MOB3B: variants seen among roughly 807,000 people sequenced by gnomAD.
MOB3B encodes the protein MOB kinase activator 3B.
A neutral mutation model predicts 18.7 loss-of-function variants in MOB3B; 7 were observed. The observed-to-expected ratio is 0.37, with a 90% CI of 0.21 to 0.70. The LOEUF is 0.70. Ranked by LOEUF, MOB3B falls within the 30% of genes least tolerant of loss-of-function variation. The pLI is 0.52. For missense variants in MOB3B, 253 were observed against 281.3 expected (o/e 0.90, Z 0.72); for synonymous variants, 111 against 99.9 (o/e 1.11, Z -0.66).
At chr9:27,491,056 A>G (rs1037228974) in intron 1 of MOB3B, among the ~76,000 whole-genome samples, 2 of 152,186 alleles carry the variant, frequency 1.3e-5, no homozygotes, top group African/African-American at 4.8e-5. Flanking sequence ...TAATTGCAAC[A>G]AACGGTCCTA....
At chr9:27,403,362 G>A (rs1821913696) in intron 2 of MOB3B, among the ~76,000 whole-genome samples, 1 of 152,078 alleles carries the variant, frequency 6.6e-6, no homozygotes, top group Non-Finnish European at 1.5e-5. Context: ...TTAGGAGAAA[G>A]TCAGTTACTT....
At chr9:27,497,158 C>G (rs560108775) in intron 1 of MOB3B, among the ~76,000 whole-genome samples, 1 of 152,184 alleles carries the variant, frequency 6.6e-6, no homozygotes, top group Non-Finnish European at 1.5e-5. Flanking sequence ...GGCTCTTATA[C>G]ATCAGAGAGC....
At chr9:27,411,142 G>T (rs1822059442) in intron 2 of MOB3B, among the ~76,000 whole-genome samples, 1 of 152,176 alleles carries the variant, frequency 6.6e-6, no homozygotes, top group African/African-American at 2.4e-5. Context: ...TGTATCCCTA[G>T]ATATGGCAGA....
intron 1 of MOB3B, among the ~76,000 whole-genome samples, chr9:27,481,791 C>T (rs181238882): frequency 1.3e-5 from 2 of 152,038 alleles, no homozygotes; most frequent in African/African-American, 2.4e-5. Flanking sequence ...TCCCAAAGTG[C>T]AAGGATTACA....
intron 2 of MOB3B, among the ~76,000 whole-genome samples, chr9:27,404,397 C>T (rs150574257): frequency 8.0e-6 from 1 of 125,486 alleles, no homozygotes; most frequent in Non-Finnish European, 1.6e-5. Context: ...CGTTCTGTCA[C>T]CAGGCTGGAG....
intron 3 of MOB3B, among the ~76,000 whole-genome samples, chr9:27,346,620 G>A (rs986863466): frequency 2.6e-5 from 4 of 152,100 alleles, no homozygotes. Context: ...AGTTATTACA[G>A]GCCATTTAAA....
chr9:27,369,840 G>A (rs769053501), intron 2 of MOB3B, among the ~76,000 whole-genome samples: 9 of 151,790 alleles, frequency 5.9e-5, no homozygotes, highest in Admixed American at 1.3e-4. Context: ...CCTCTAGAAC[G>A]TCCTCCCTGG....
Position 27,455,345 on chromosome 9 carries a change from T to C in MOB3B, c.206A>G (p.Asn69Ser), listed in dbSNP as rs376544672. 68 of 1,614,010 alleles carry C rather than the reference T, an allele frequency of 4.2e-5. No homozygotes were observed. Among genetic ancestry groups the C allele is most frequent in the Non-Finnish European group, 5.4e-5 (64 of 1,180,002 alleles). ...GGTGCCATAGATGAGGTTGATCCGA[T>C]TGAAGAAGTCCACCACATGTACTGC... ...WVAVHVVDFF[N>S]RINLIYGTIC... The change falls in exon 2 of 4, where the codon AAT becomes AGT. Residue 69 changes from asparagine (N) to serine (S), a missense_variant. Coordinates refer to ENST00000262244, the MANE Select transcript of MOB3B (RefSeq NM_024761.5).
At chr9:27,448,577 T>C (rs1822732560) in intron 2 of MOB3B, among the ~76,000 whole-genome samples, 1 of 152,180 alleles carries the variant, frequency 6.6e-6, no homozygotes. Flanking sequence ...AGTGGCCCCA[T>C]GATTCAATTA....
chr9:27,418,850 G>A (rs1391622815), intron 2 of MOB3B, among the ~76,000 whole-genome samples: 2 of 152,132 alleles, frequency 1.3e-5, no homozygotes, highest in East Asian at 3.8e-4. Flanking sequence ...CGGTAAAGAA[G>A]AAGTCAAACT....
At chr9:27,426,983 G>A (rs1463675416) in intron 2 of MOB3B, among the ~76,000 whole-genome samples, 1 of 152,168 alleles carries the variant, frequency 6.6e-6, no homozygotes, top group East Asian at 1.9e-4. Flanking sequence ...AGCACACACT[G>A]GATTATTCTA....
At chr9:27,477,747 G>A (rs965941396) in intron 1 of MOB3B, among the ~76,000 whole-genome samples, 1 of 152,210 alleles carries the variant, frequency 6.6e-6, no homozygotes, top group African/African-American at 2.4e-5. Flanking sequence ...CAGAAATGAA[G>A]CCAGAATCCA....
At chr9:27,350,235 CA>C (rs34779449) in intron 3 of MOB3B, among the ~76,000 whole-genome samples, 2,240 of 66,830 alleles carry the variant, frequency 0.034, 39 homozygotes, top group African/African-American at 0.078. Context: ...AAGTATATAC[CA>C]AAAAAAAAAA....
chr9:27,401,480 G>A (rs1414287554), intron 2 of MOB3B, among the ~76,000 whole-genome samples: 5 of 152,144 alleles, frequency 3.3e-5, no homozygotes, highest in Non-Finnish European at 4.4e-5. Context: ...GGATCACACA[G>A]ACAAAGGCAC....
chr9:27,330,751 C>T (rs1290950313), intron 3 of MOB3B, 135 bp from the exon 4 acceptor site: 4 of 1,304,346 alleles, frequency 3.1e-6, no homozygotes, highest in African/African-American at 1.5e-5. Flanking sequence ...ATGAATAAGG[C>T]TTAGCATGAG....
At chr9:27,518,736 A>G (rs1438113929) in intron 1 of MOB3B, among the ~76,000 whole-genome samples, 1 of 152,326 alleles carries the variant, frequency 6.6e-6, no homozygotes, top group South Asian at 2.1e-4. Context: ...TACAGGGAGC[A>G]TCATGTACAA....
rs570047984 is a variant in MOB3B, at chr9:27,384,817, G to A, written c.419-25581C>T. On this transcript the variant is annotated intron_variant, in intron 2 of 3. Coordinates refer to ENST00000262244, the MANE Select transcript of MOB3B (RefSeq NM_024761.5). Reference sequence around the variant, plus strand: ...AGTGAGTAGCATCAGGAACTGAGACGGGTCCTTCTGGCCCATGGCACCACC... The same window carrying A: ...AGTGAGTAGCATCAGGAACTGAGACAGGTCCTTCTGGCCCATGGCACCACC... Among the ~76,000 whole-genome samples the A allele has an allele frequency of 1.1e-4, 16 of 152,288 alleles. 1 individual carries two copies. In the South Asian group the frequency reaches 2.9e-3, roughly 28 times the overall value.
At chr9:27,459,340 G>A (rs1439552774) in intron 1 of MOB3B, among the ~76,000 whole-genome samples, 1 of 152,174 alleles carries the variant, frequency 6.6e-6, no homozygotes, top group East Asian at 1.9e-4. Context: ...CAGTCTCCCA[G>A]GTGGTACTGA....
chr9:27,446,941 G>A (rs1377471497), intron 2 of MOB3B, among the ~76,000 whole-genome samples: 1 of 152,012 alleles, frequency 6.6e-6, no homozygotes, highest in Non-Finnish European at 1.5e-5. Context: ...TTATTAAGGG[G>A]AAAATATGAT....
Sources: allele counts gnomAD v4.1 joint callset (sites outside exome capture counted in the v4.1 genomes callset), GRCh38; gene constraint gnomAD v4.1.1; transcripts MANE v1.5; gene names NCBI Gene and HGNC (gene_info 2026-07-23, HGNC 2026-07-21).